Variants in THNSL2 observed in about 807,000 individuals in gnomAD.
The protein encoded by THNSL2 is threonine synthase-like 2.
Under a neutral mutation model 40.0 loss-of-function variants are expected in THNSL2, and 34 were observed. That is an observed-to-expected ratio of 0.85 (90% CI 0.65 to 1.13). The LOEUF is 1.13. Ranked by LOEUF, THNSL2 falls within the 50% of genes most tolerant of loss-of-function variation. The pLI, the probability that THNSL2 is intolerant of heterozygous loss-of-function variation, is 0.00. For synonymous variants in THNSL2, 241 were observed against 247.5 expected, an observed-to-expected ratio of 0.97 and a Z score of 0.25; for missense variants, 537 against 608.8, an observed-to-expected ratio of 0.88 and a Z score of 1.24.
intron 1 of THNSL2, 103 bp downstream of exon 1, chr2:88,170,559 C>T (rs1676254428): frequency 6.6e-6 from 1 of 152,362 alleles, no homozygotes; most frequent in South Asian, 2.0e-4. Context: ...CCCGCAGGCC[C>T]ACGTCCGTCG....
intron 4 of THNSL2, chr2:88,176,116 T>TA (rs1392180389): frequency 6.6e-6 from 1 of 152,232 alleles, no homozygotes; most frequent in Non-Finnish European, 1.5e-5. Context: ...AATGTGTCAT[T>TA]ATATGTTGAC....
Position 88,174,695 on chromosome 2 carries a change from A to G in THNSL2, c.280A>G (p.Arg94Gly), listed in dbSNP as rs143431033. ...TCACAGAGAAGTGGTCCATCTGTCC[A>G]GGTTGAGGAATGGGCTGAACGTGTT... is the stretch of plus-strand genomic sequence containing the variant. ...FRHREVVHLSRLRNGLNVLEL... is the reference protein window; with the variant it reads ...FRHREVVHLSGLRNGLNVLEL... Residue 94 changes from arginine to glycine, a missense_variant, in exon 3 of 9, where the codon AGG becomes GGG. Arg to Gly is a moderately radical substitution (Grantham distance 125, BLOSUM62 -2). Transcript: ENST00000674334. The G allele has an allele frequency of 1.5e-3, 2,421 of 1,614,186 alleles. 3 individuals are homozygous for G. The highest frequency in any genetic ancestry group is 5.8e-3 in the Middle Eastern group (35 of 6,062).
chr2:88,185,314 C>T lies in THNSL2; in HGVS notation c.1078-14C>T. 1 of 1,609,742 alleles carries T rather than the reference C, an allele frequency of 6.2e-7. No homozygotes were observed. On this transcript the variant is annotated splice_polypyrimidine_tract_variant and intron_variant, in intron 7 of 8. Transcript: ENST00000674334. The stretch of plus-strand genomic sequence containing the variant: ...CCCCCCCACACCTCATCTTTCTGAC[C>T]TGGGACCCTTCAGCTTTCAGAGGCA...
In THNSL2 at chr2:88,173,296, T is replaced by C. The variant is rs764527693; in HGVS notation, c.146T>C (p.Leu49Pro). Residue 49 changes from leucine to proline, a missense_variant, in exon 2 of 9, where the codon CTC (leucine) becomes CCC (proline). Physicochemically the swap from Leu to Pro is moderately conservative, Grantham distance 98. Coordinates refer to ENST00000674334, the MANE Select transcript of THNSL2 (RefSeq NM_018271.5). ...DRGTLCQWST[L>P]SYPGLVKELC... ...GGGACCCTGTGCCAGTGGAGCACACTCTCCTATCCTGGCCTGGTGAAGGAG... is the reference window on the plus strand; with the variant it reads ...GGGACCCTGTGCCAGTGGAGCACACCCTCCTATCCTGGCCTGGTGAAGGAG... 1.2e-6 allele frequency: 2 copies of C among 1,612,472 alleles called. No individual in the cohort carries two copies. The highest frequency in any genetic ancestry group is 1.7e-6 in the Non-Finnish European group (2 of 1,179,940).
At chr2:88,176,241 C>T (rs1006410211) in intron 4 of THNSL2, 7 of 152,222 alleles carry the variant, frequency 4.6e-5, no homozygotes, top group Non-Finnish European at 1.0e-4. Flanking sequence ...ATACTGCTAC[C>T]TGAGTCACAT....
chr2:88,185,636 G>C, intron 8 of THNSL2, 157 bp downstream of exon 8: 1 of 1,551,616 alleles, frequency 6.4e-7, no homozygotes, highest in Non-Finnish European at 8.7e-7. Context: ...TGTGGGCCCA[G>C]AAGAGGGAGC....
chr2:88,176,137 G>A (rs1019474787), intron 4 of THNSL2: 1 of 152,222 alleles, frequency 6.6e-6, no homozygotes, highest in Non-Finnish European at 1.5e-5. Context: ...AGTTCCTGCT[G>A]TTCTTTACAG....
intron 7 of THNSL2, among the ~76,000 whole-genome samples, chr2:88,184,919 T>C (rs1261149576): frequency 6.6e-6 from 1 of 152,114 alleles, no homozygotes; most frequent in Non-Finnish European, 1.5e-5. Flanking sequence ...GACAAGGGAA[T>C]CTTCCTCTGT....
intron 1 of THNSL2, chr2:88,172,042 TG>T (rs1676431115): frequency 6.6e-6 from 1 of 152,304 alleles, no homozygotes; most frequent in African/African-American, 2.4e-5. Flanking sequence ...TAGAGAGCTT[TG>T]GGTGGCTTTG....
intron 7 of THNSL2, 123 bp downstream of exon 7, chr2:88,183,196 C>G: frequency 1.5e-6 from 2 of 1,317,426 alleles, no homozygotes; most frequent in Non-Finnish European, 2.1e-6. Context: ...ATGAGCCCAC[C>G]ACTTTTACGG....
chr2:88,172,656 G>C (rs946518906), intron 1 of THNSL2: 1 of 152,354 alleles, frequency 6.6e-6, no homozygotes, highest in Admixed American at 6.5e-5. Flanking sequence ...TACCACAGTT[G>C]AGAACTACTA....
Position 88,174,622 on chromosome 2 carries a change from C to T in THNSL2, c.224-17C>T. On this transcript the variant is annotated splice_polypyrimidine_tract_variant and intron_variant, in intron 2 of 8. Transcript: ENST00000674334. ...GACCAGGCCCCTCATTGGCTATCCA[C>T]CCCACTACCCTCACAGATCTGATCG... 1.9e-6 allele frequency: 3 copies of T among 1,610,008 alleles called. No homozygotes were observed. The highest frequency in any genetic ancestry group is 2.5e-6 in the Non-Finnish European group (3 of 1,176,866).
Position 88,186,256 on chromosome 2 carries a change from C to G in THNSL2, c.*133C>G. On this transcript the variant is annotated 3_prime_UTR_variant, in exon 9 of 9. Transcript: ENST00000674334. ...GCTGCTCAGCTGGATCTGGAGCCAG[C>G]TGGCTTTGCTCCGTTCCCTGGCTAG... 2 of 905,730 alleles carry G rather than the reference C, an allele frequency of 2.2e-6. No individual in the cohort carries two copies. Among genetic ancestry groups the G allele is most frequent in the Non-Finnish European group, 3.4e-6 (2 of 585,866 alleles). 56.1% of individuals were successfully genotyped at this position (905,730 alleles called of 1,614,324 possible).
intron 7 of THNSL2, chr2:88,183,496 A>T (rs1315724507): frequency 2.6e-5 from 4 of 154,664 alleles, no homozygotes; most frequent in African/African-American, 9.6e-5. Context: ...TTCCAATAAT[A>T]CTGTCAACTG....
rs1485655864 is a variant in THNSL2, at chr2:88,186,613, G to C, written c.*490G>C. 1 of 179,470 alleles carries C rather than the reference G, an allele frequency of 5.6e-6. No homozygotes were observed. Among genetic ancestry groups the C allele is most frequent in the African/African-American group, 2.3e-5 (1 of 42,786 alleles). 11.1% of individuals were successfully genotyped at this position (179,470 alleles called of 1,614,324 possible). On this transcript the variant is annotated 3_prime_UTR_variant, in exon 9 of 9. Coordinates refer to ENST00000674334, the MANE Select transcript of THNSL2 (RefSeq NM_018271.5). ...ATGTTGGGAATCCCTGGAATAAAAT[G>C]CTTGTTCAGTGTGATGGAGCGGCAC...
At chr2:88,184,429 G>T (rs1337551158) in intron 7 of THNSL2, among the ~76,000 whole-genome samples, 2 of 152,126 alleles carry the variant, frequency 1.3e-5, no homozygotes, top group African/African-American at 2.4e-5. Context: ...TACATTCATT[G>T]TCTGCTGGGA....
intron 1 of THNSL2, chr2:88,172,101 A>G (rs1676437199): frequency 6.6e-6 from 1 of 152,284 alleles, no homozygotes; most frequent in South Asian, 2.1e-4. Context: ...AGAAAGTCCA[A>G]GCTAATACTG....
chr2:88,176,377 G>C (rs995198819), intron 4 of THNSL2: 1 of 152,200 alleles, frequency 6.6e-6, no homozygotes, highest in Non-Finnish European at 1.5e-5. Context: ...GGGTGAGTGT[G>C]GGTGGAGCTG....
rs112721042 is a variant in THNSL2, at chr2:88,178,775, C to G, written c.572-8C>G. 1.5e-4 allele frequency: 250 copies of G among 1,614,066 alleles called. No homozygotes were observed. In the African/African-American group the frequency reaches 1.9e-3, roughly 12 times the overall value. On this transcript the variant is annotated splice_polypyrimidine_tract_variant and splice_region_variant and intron_variant, in intron 4 of 8. Transcript: ENST00000674334. ...CTGACAGCTGCCCTCTTCTCTCCCCCCTGGCAGTGGAGGGAAACAGCGATG... is the reference window on the plus strand; with the variant it reads ...CTGACAGCTGCCCTCTTCTCTCCCCGCTGGCAGTGGAGGGAAACAGCGATG...
Sources: allele counts gnomAD v4.1 joint callset (sites outside exome capture counted in the v4.1 genomes callset), GRCh38; gene constraint gnomAD v4.1.1; transcripts MANE v1.5; gene names NCBI Gene and HGNC (gene_info 2026-07-23, HGNC 2026-07-21).